Variants in SLC25A46 observed in about 807,000 individuals in gnomAD.
SLC25A46 encodes solute carrier family 25 member 46, also known as mitochondrial outer membrane protein SLC25A46.
Under a neutral mutation model 44.6 loss-of-function variants are expected in SLC25A46, and 39 were observed. That is an observed-to-expected ratio of 0.87 (90% confidence interval 0.68 to 1.14). The LOEUF (loss-of-function observed/expected upper bound fraction) is 1.14, where lower values mean the gene tolerates loss of function less well. SLC25A46 is among the 50% of genes most tolerant of loss of function. The pLI is 0.00. For synonymous variants in SLC25A46, 202 were observed against 185.8 expected, an observed-to-expected ratio of 1.09 and a Z score of -0.71; for missense variants, 547 against 522.7, an observed-to-expected ratio of 1.05 and a Z score of -0.45.
At position 110,748,268 on chromosome 5, in the gene SLC25A46, C is replaced by T. The variant is rs1463224105; in HGVS notation, c.563+5C>T. On this transcript the variant is annotated splice_donor_5th_base_variant and intron_variant, in intron 5 of 7. Transcript: ENST00000355943. ...TGAATTTACACCTTTGCCAAGGTAC[C>T]ATTTTTAGCATTTCTTCAGTATTAG... 6.2e-7 allele frequency: 1 copy of T among 1,607,824 alleles called. No individual in the cohort carries two copies. Among genetic ancestry groups the T allele is most frequent in the East Asian group, 2.2e-5 (1 of 44,764 alleles).
intron 5 of SLC25A46, among the ~76,000 whole-genome samples, chr5:110,751,308 GCAAAAGAATATAGTTCCATGAAAGTATT>G (rs1799964760): frequency 6.6e-6 from 1 of 152,134 alleles, no homozygotes; most frequent in African/African-American, 2.4e-5. Flanking sequence ...GTTTTCTGAA[GCAAAAGAATATAGTTCCATGAAAGTATT>G]AAAGGGCTAG....
chr5:110,740,997 T>G (rs1799674326), intron 1 of SLC25A46, among the ~76,000 whole-genome samples: 1 of 152,066 alleles, frequency 6.6e-6, no homozygotes, highest in Non-Finnish European at 1.5e-5. Flanking sequence ...GTACCGTAGG[T>G]GGGTAAAAGA....
At chr5:110,748,795 G>A (rs1799883359) in intron 5 of SLC25A46, among the ~76,000 whole-genome samples, 1 of 152,116 alleles carries the variant, frequency 6.6e-6, no homozygotes, top group Non-Finnish European at 1.5e-5. Flanking sequence ...TAAAAGAAGT[G>A]TCTTATGTTT....
At position 110,746,278 on chromosome 5, in the gene SLC25A46, C is replaced by T. The variant is rs2150410325; in HGVS notation, c.394C>T (p.His132Tyr). 6.3e-7 allele frequency: 1 copy of T among 1,580,476 alleles called. No individual in the cohort carries two copies. The highest frequency in any genetic ancestry group is 8.6e-7 in the Non-Finnish European group (1 of 1,166,826). Residue 132 changes from histidine (H) to tyrosine (Y), a missense_variant, in exon 4 of 8, where the codon CAT (histidine) becomes TAT (tyrosine). By Grantham distance (83) the His-to-Tyr change is moderately conservative (BLOSUM62 2). Coordinates refer to ENST00000355943, the MANE Select transcript of SLC25A46 (RefSeq NM_138773.4). ...VLRRQCQVNY[H>Y]AQHYHLTPFT... is the part of the protein sequence containing the mutation. ...AATATCTTTTTTACAGGTTAATTAC[C>T]ATGCTCAGCATTACCATCTCACTCC...
chr5:110,762,077 A>G lies in SLC25A46; in HGVS notation c.*295A>G, dbSNP rs541206723. ...GGCAGAAGCAAAATTTTATTATAAAATCTAAAACAAAACTTTATAGAGTTG... is the reference window on the plus strand; with the variant it reads ...GGCAGAAGCAAAATTTTATTATAAAGTCTAAAACAAAACTTTATAGAGTTG... On this transcript the variant is annotated 3_prime_UTR_variant, in exon 8 of 8. Coordinates refer to ENST00000355943, the MANE Select transcript of SLC25A46 (RefSeq NM_138773.4). The G allele has an allele frequency of 3.9e-6, 1 of 259,490 alleles. No homozygotes were observed. Among genetic ancestry groups the G allele is most frequent in the South Asian group, 5.6e-5 (1 of 17,774 alleles). 16.1% of individuals were successfully genotyped at this position (259,490 alleles called of 1,614,324 possible).
upstream of SLC25A46, among the ~76,000 whole-genome samples, chr5:110,738,549 G>C (rs1799460278): frequency 1.3e-5 from 2 of 152,002 alleles, no homozygotes; most frequent in South Asian, 4.2e-4. Context: ...TCTCTCAATA[G>C]ATTTGATCCA....
In SLC25A46 at chr5:110,756,772, T is replaced by C; in HGVS notation, c.678+13T>C. 6.6e-7 allele frequency: 1 copy of C among 1,509,790 alleles called. No homozygotes were observed. Among genetic ancestry groups the C allele is most frequent in the Non-Finnish European group, 8.8e-7 (1 of 1,134,198 alleles). 93.5% of individuals were successfully genotyped at this position (1,509,790 alleles called of 1,614,324 possible). A position where few individuals can be genotyped will look rare whatever the true frequency, so the allele number is the denominator to read the frequency against. Reference sequence around the variant, plus strand: ...TGAAACAGTGCAGGTGAGCTTTTTTTTACTGTCATTTTTTTTTTATTTAAG... The same window carrying C: ...TGAAACAGTGCAGGTGAGCTTTTTTCTACTGTCATTTTTTTTTTATTTAAG... On this transcript the variant is annotated intron_variant, in intron 7 of 7. Transcript: ENST00000355943.
At chr5:110,756,309 A>T (rs1800110849) in intron 6 of SLC25A46, among the ~76,000 whole-genome samples, 1 of 151,738 alleles carries the variant, frequency 6.6e-6, no homozygotes, top group South Asian at 2.1e-4. Context: ...CTGGATGGGA[A>T]ATCTGGGAAT....
At chr5:110,740,889 T>C (rs1799669080) in intron 1 of SLC25A46, among the ~76,000 whole-genome samples, 1 of 152,150 alleles carries the variant, frequency 6.6e-6, no homozygotes, top group Non-Finnish European at 1.5e-5. Flanking sequence ...GAGGCGGAGC[T>C]TGCAGTGAGC....
At chr5:110,742,783 A>G (rs1799722207) in intron 2 of SLC25A46, among the ~76,000 whole-genome samples, 1 of 152,046 alleles carries the variant, frequency 6.6e-6, no homozygotes, top group Admixed American at 6.6e-5. Flanking sequence ...TTTGTTCATA[A>G]TCAGCGTTTG....
At chr5:110,752,106 C>A (rs1456684038) in intron 5 of SLC25A46, among the ~76,000 whole-genome samples, 1 of 151,836 alleles carries the variant, frequency 6.6e-6, no homozygotes, top group African/African-American at 2.4e-5. Flanking sequence ...TTTTTAATTG[C>A]GTAACATTTA....
At chr5:110,746,478 G>T in intron 4 of SLC25A46, 132 bp downstream of exon 4, 1 of 590,522 alleles carries the variant, frequency 1.7e-6, no homozygotes, top group Non-Finnish European at 3.0e-6. Context: ...AACTAAAGTA[G>T]CACAACGATA....
chr5:110,752,034 A>T (rs956824072), intron 5 of SLC25A46, among the ~76,000 whole-genome samples: 2 of 152,166 alleles, frequency 1.3e-5, no homozygotes, highest in Middle Eastern at 3.2e-3. Flanking sequence ...CAAAACATTA[A>T]CAGCAGTTCA....
At position 110,739,007 on chromosome 5, in the gene SLC25A46, A is replaced by C; in HGVS notation, c.-113A>C. Reference sequence around the variant, plus strand: ...GTTTCCAACGTGACTTCCGGTTGTCAGAATTTACCCCTGACGCGGCGGCGG... The same window carrying C: ...GTTTCCAACGTGACTTCCGGTTGTCCGAATTTACCCCTGACGCGGCGGCGG... On this transcript the variant is annotated 5_prime_UTR_variant, in exon 1 of 8. Transcript: ENST00000355943. The C allele has an allele frequency of 1.4e-6, 2 of 1,471,276 alleles. No individual in the cohort carries two copies. The highest frequency in any genetic ancestry group is 2.5e-5 in the East Asian group (1 of 39,980). The allele number at this position is 1,471,276 out of a possible 1,614,324, so 91.1% of individuals were successfully genotyped here.
chr5:110,755,412 A>T, intron 5 of SLC25A46, 53 bp from the exon 6 acceptor site: 1 of 1,151,112 alleles, frequency 8.7e-7, no homozygotes, highest in Non-Finnish European at 1.3e-6. Context: ...CTAATTCCAG[A>T]TGTTTTAAAT....
At chr5:110,757,923 C>A (rs1800156487) in intron 7 of SLC25A46, among the ~76,000 whole-genome samples, 2 of 152,060 alleles carry the variant, frequency 1.3e-5, no homozygotes, top group African/African-American at 2.4e-5. Context: ...GATTTCTTAA[C>A]CTTTATAATT....
intron 5 of SLC25A46, among the ~76,000 whole-genome samples, chr5:110,748,478 T>C (rs569843841): frequency 6.6e-6 from 1 of 152,226 alleles, no homozygotes; most frequent in East Asian, 1.9e-4. Context: ...TATTATATTG[T>C]TTTAATAATA....
rs1315038622 is a variant in SLC25A46 at position 110,764,447 on chromosome 5, AAAC to A, written c.*2668_*2670del. ...AGATGTCATAAATATGAAATAGTAAAAACAAGGTCACTTGAAAATGGGTATTTA... is the reference window on the plus strand; with the variant it reads ...AGATGTCATAAATATGAAATAGTAAAAAGGTCACTTGAAAATGGGTATTTA... On this transcript the variant is annotated 3_prime_UTR_variant, in exon 8 of 8. Coordinates refer to ENST00000355943, the MANE Select transcript of SLC25A46 (RefSeq NM_138773.4). The A allele has an allele frequency of 6.6e-6, 1 of 151,912 alleles. No individual in the cohort carries two copies. The highest frequency in any genetic ancestry group is 2.4e-5 in the African/African-American group (1 of 41,414). The allele number at this position is 151,912 out of a possible 1,614,324, so 9.4% of individuals were successfully genotyped here.
rs769567758 is a variant in SLC25A46 at position 110,748,157 on chromosome 5, AT to A, written c.463-3del. 7 of 1,609,144 alleles carry A rather than the reference AT, an allele frequency of 4.4e-6. No homozygotes were observed. The African/African-American group carries it at 8.0e-5, about 18-fold the overall frequency. On this transcript the variant is annotated splice_polypyrimidine_tract_variant and splice_region_variant and intron_variant, in intron 4 of 7. Coordinates refer to ENST00000355943, the MANE Select transcript of SLC25A46 (RefSeq NM_138773.4). ...ACAGAAATAACATGAATTTTGTTCAATTTAGGGACCTAGAGCCCTGTGGAAA... is the reference window on the plus strand; with the variant it reads ...ACAGAAATAACATGAATTTTGTTCAATTAGGGACCTAGAGCCCTGTGGAAA...
Sources: allele counts gnomAD v4.1 joint callset (sites outside exome capture counted in the v4.1 genomes callset), GRCh38; gene constraint gnomAD v4.1.1; transcripts MANE v1.5; gene names NCBI Gene and HGNC (gene_info 2026-07-23, HGNC 2026-07-21).